The following FMN1 variants were observed in gnomAD, a reference collection of about 807,000 sequenced individuals.
FMN1 encodes formin-1.
Under a neutral mutation model 132.4 loss-of-function variants are expected in FMN1, and 110 were observed. The observed-to-expected ratio is 0.83, with a 90% CI of 0.71 to 0.97. FMN1 has a LOEUF of 0.97. Among genes scored for constraint, FMN1 ranks in the 50% least tolerant of loss-of-function variants. The pLI is 0.00. For synonymous variants in FMN1, 722 were observed against 651.7 expected, an observed-to-expected ratio of 1.11 and a Z score of -1.64; for missense variants, 1,792 against 1,705.3, an observed-to-expected ratio of 1.05 and a Z score of -0.90.
intron 6 of FMN1, among the ~76,000 whole-genome samples, chr15:33,016,199 A>G (rs1474682732): frequency 6.6e-6 from 1 of 152,230 alleles, no homozygotes; most frequent in Admixed American, 6.5e-5. Context: ...ATGACATTTG[A>G]AAAAATATGC....
At chr15:33,162,444 C>T (rs1228435256) in intron 3 of FMN1, among the ~76,000 whole-genome samples, 3 of 151,156 alleles carry the variant, frequency 2.0e-5, no homozygotes, top group Non-Finnish European at 4.4e-5. Context: ...AAAGGAGAGT[C>T]AACATCATGT....
At chr15:33,096,780 A>G (rs2039101567) in intron 4 of FMN1, among the ~76,000 whole-genome samples, 1 of 151,922 alleles carries the variant, frequency 6.6e-6, no homozygotes, top group Non-Finnish European at 1.5e-5. Context: ...TTATTTTTGT[A>G]TCTTTGGATT....
chr15:33,092,543 C>G (rs1348317749), intron 4 of FMN1, among the ~76,000 whole-genome samples: 2 of 152,136 alleles, frequency 1.3e-5, no homozygotes, highest in African/African-American at 2.4e-5. Context: ...CTGCCCTCAC[C>G]ATGAGACGAA....
intron 6 of FMN1, among the ~76,000 whole-genome samples, chr15:33,034,723 C>T (rs1014368219): frequency 6.6e-6 from 1 of 152,186 alleles, no homozygotes; most frequent in African/African-American, 2.4e-5. Context: ...CAAGCCACCA[C>T]CTCCTGTGCA....
At chr15:33,067,774 G>T in intron 5 of FMN1, 1 of 1,613,902 alleles carries the variant, frequency 6.2e-7, no homozygotes, top group Non-Finnish European at 8.5e-7. Context: ...ACCCAAATAG[G>T]GATTTCATAG....
intron 16 of FMN1, among the ~76,000 whole-genome samples, chr15:32,866,627 C>T (rs753472157): frequency 6.6e-6 from 1 of 152,152 alleles, no homozygotes; most frequent in African/African-American, 2.4e-5. Context: ...AATCATTTTC[C>T]CAGTCCAACT....
chr15:33,082,020 G>GGT (rs57369569), intron 5 of FMN1, among the ~76,000 whole-genome samples: 4,223 of 117,758 alleles, frequency 0.036, 87 homozygotes, highest in Non-Finnish European at 0.041. Flanking sequence ...AGAGTTCAGG[G>GGT]GTGTGTGTGT....
At chr15:32,959,980 G>A (rs2030322049) in intron 9 of FMN1, among the ~76,000 whole-genome samples, 1 of 152,212 alleles carries the variant, frequency 6.6e-6, no homozygotes, top group African/African-American at 2.4e-5. Context: ...GAGGCAAACT[G>A]AAGTTGGCTT....
At chr15:33,140,921 T>A (rs940909604) in intron 4 of FMN1, among the ~76,000 whole-genome samples, 7 of 152,236 alleles carry the variant, frequency 4.6e-5, no homozygotes, top group African/African-American at 1.4e-4. Context: ...TGAGGCTAAG[T>A]ATATTCTTAT....
chr15:33,158,823 T>C (rs552826424), intron 3 of FMN1, among the ~76,000 whole-genome samples: 1 of 152,342 alleles, frequency 6.6e-6, no homozygotes, highest in East Asian at 1.9e-4. Flanking sequence ...TCTTTCAGTA[T>C]TCCAGAAAGA....
At chr15:33,121,468 G>A (rs1279793572) in intron 4 of FMN1, among the ~76,000 whole-genome samples, 1 of 152,162 alleles carries the variant, frequency 6.6e-6, no homozygotes, top group African/African-American at 2.4e-5. Context: ...TGATACAAAG[G>A]TAGAAATCAT....
chr15:33,088,685 A>C, intron 5 of FMN1, 114 bp downstream of exon 5: 2 of 944,574 alleles, frequency 2.1e-6, no homozygotes, highest in Non-Finnish European at 3.0e-6. Context: ...TTTTTTAAAC[A>C]ATGATCCATA....
chr15:32,939,403 A>C (rs2061352476), intron 9 of FMN1, among the ~76,000 whole-genome samples: 1 of 152,228 alleles, frequency 6.6e-6, no homozygotes, highest in Non-Finnish European at 1.5e-5. Context: ...AAAACTGATG[A>C]AGAGAACAAG....
At chr15:33,085,174 T>C (rs1035783281) in intron 5 of FMN1, among the ~76,000 whole-genome samples, 3 of 152,186 alleles carry the variant, frequency 2.0e-5, no homozygotes, top group Non-Finnish European at 4.4e-5. Flanking sequence ...TTAAGTTCTT[T>C]AGTGGTGATT....
intron 19 of FMN1, among the ~76,000 whole-genome samples, chr15:32,791,953 T>A (rs567596763): frequency 2.0e-4 from 30 of 151,838 alleles, no homozygotes; most frequent in African/African-American, 5.3e-4. Context: ...AATGAGGTGA[T>A]AGGTGAAGCT....
chr15:32,963,193 G>A (rs1358042303), intron 9 of FMN1, among the ~76,000 whole-genome samples: 4 of 151,352 alleles, frequency 2.6e-5, no homozygotes, highest in African/African-American at 9.7e-5. Flanking sequence ...GTCCTTTGTA[G>A]GGACATGGAT....
chr15:33,040,416 A>G (rs776529393), intron 6 of FMN1, among the ~76,000 whole-genome samples: 11 of 152,202 alleles, frequency 7.2e-5, no homozygotes, highest in East Asian at 1.9e-4. Context: ...ACAGTGGCAA[A>G]AACAACAAAA....
chr15:33,179,185 T>A (rs1408954072), intron 3 of FMN1, among the ~76,000 whole-genome samples: 1 of 152,010 alleles, frequency 6.6e-6, no homozygotes, highest in Non-Finnish European at 1.5e-5. Flanking sequence ...AGTATAAAAA[T>A]TCAATAGGAG....
At chr15:32,896,911 C>A (rs1449359340) in intron 15 of FMN1, among the ~76,000 whole-genome samples, 1 of 152,082 alleles carries the variant, frequency 6.6e-6, no homozygotes, top group Non-Finnish European at 1.5e-5. Flanking sequence ...GGTTTCAATT[C>A]TTTTGGATAA....
Sources: gnomAD v4.1 joint callset for allele counts (sites outside exome capture counted in the v4.1 genomes callset) on GRCh38, gnomAD v4.1.1 for gene constraint, MANE v1.5 for transcripts, NCBI Gene and HGNC (gene_info 2026-07-23, HGNC 2026-07-21) for gene names.